SDK1: variants seen among roughly 807,000 people sequenced by gnomAD.
SDK1 encodes the protein sidekick cell adhesion molecule 1, also known as protein sidekick-1.
SDK1 carries 157 observed loss-of-function variants against 245.5 expected under a neutral mutation model. The observed-to-expected ratio is 0.64, with a 90% confidence interval of 0.56 to 0.73. SDK1 has a LOEUF of 0.73. Among genes scored for constraint, SDK1 ranks in the 30% least tolerant of loss-of-function variants. The probability of loss-of-function intolerance (pLI) is 0.00; values close to 1 mark genes in which losing one functional copy is unlikely to be tolerated. For missense variants in SDK1, 3,583 were observed against 3,002.3 expected (o/e 1.19, Z -4.52); for synonymous variants, 1,647 against 1,278.5 (o/e 1.29, Z -6.15).
At chr7:3,622,188 A>T (rs1188194201) in intron 2 of SDK1, among the ~76,000 whole-genome samples, 1 of 152,124 alleles carries the variant, frequency 6.6e-6, no homozygotes, top group African/African-American at 2.4e-5. Flanking sequence ...ATTTAAAACA[A>T]TTTTGTAGGC....
In SDK1 at chr7:4,066,444, A is replaced by G. The variant is rs1017672786; in HGVS notation, c.2912-1394A>G. ...CTCTCTTCCCCTCATCCTTCCCTCCATTTGCTCGTAAGACGCCAGCCTCCC... is the reference window on the plus strand; with the variant it reads ...CTCTCTTCCCCTCATCCTTCCCTCCGTTTGCTCGTAAGACGCCAGCCTCCC... On this transcript the variant is annotated intron_variant, in intron 19 of 44. Coordinates refer to ENST00000404826, the MANE Select transcript of SDK1 (RefSeq NM_152744.4). Among the ~76,000 whole-genome samples the G allele has an allele frequency of 2.0e-5, 3 of 152,092 alleles. No homozygotes were observed. In the East Asian group the frequency reaches 5.8e-4, roughly 29 times the overall value.
rs147298337 is a variant in SDK1 at position 4,259,829 on chromosome 7, G to A, written c.6382-5295G>A. Among the ~76,000 whole-genome samples the A allele has an allele frequency of 3.1e-3, 465 of 152,350 alleles. 4 individuals carry two copies. Among genetic ancestry groups the A allele is most frequent in the African/African-American group, 0.011 (445 of 41,584 alleles). On this transcript the variant is annotated intron_variant, in intron 44 of 44. Coordinates refer to ENST00000404826, the MANE Select transcript of SDK1 (RefSeq NM_152744.4). ...CCTAGAGAGAAGCCTGGAACTAGGA[G>A]GAAGTTACAGGATCTGCGGAGGTGG...
intron 1 of SDK1, among the ~76,000 whole-genome samples, chr7:3,334,557 G>T (rs1780150995): frequency 6.6e-6 from 1 of 152,132 alleles, no homozygotes; most frequent in South Asian, 2.1e-4. Flanking sequence ...AGAGGGCCAG[G>T]TGTGAGGACA....
chr7:3,787,433 G>T (rs142435375), intron 4 of SDK1, among the ~76,000 whole-genome samples: 160 of 152,168 alleles, frequency 1.1e-3, no homozygotes, highest in Non-Finnish European at 2.1e-3. Context: ...TTGTGCACAC[G>T]CTGTGTTCCT....
chr7:3,928,284 C>CTTTA (rs1260483437), intron 5 of SDK1, among the ~76,000 whole-genome samples: 8 of 152,154 alleles, frequency 5.3e-5, no homozygotes, highest in East Asian at 1.9e-4. Flanking sequence ...ATAGTTAAAC[C>CTTTA]TTTATTTATT....
chr7:3,990,819 C>G (rs942984766), intron 14 of SDK1, among the ~76,000 whole-genome samples: 1 of 152,232 alleles, frequency 6.6e-6, no homozygotes, highest in Non-Finnish European at 1.5e-5. Context: ...TCCCCCGTTT[C>G]CATGAAAGAA....
At position 3,411,823 on chromosome 7, in the gene SDK1, G is replaced by T. The variant is rs115407290; in HGVS notation, c.298+109939G>T. Among the ~76,000 whole-genome samples the T allele has an allele frequency of 2.4e-3, 366 of 152,226 alleles. 3 individuals carry two copies. Among genetic ancestry groups the T allele is most frequent in the African/African-American group, 8.4e-3 (350 of 41,530 alleles). On this transcript the variant is annotated intron_variant, in intron 1 of 44. Coordinates refer to ENST00000404826, the MANE Select transcript of SDK1 (RefSeq NM_152744.4). ...CTGGAGTTTAATTTGTTTAATGTCT[G>T]TGAGGGCTTGATGGGGTTGGGACTT...
chr7:3,601,810 A>C (rs1235023941), intron 1 of SDK1, among the ~76,000 whole-genome samples: 1 of 146,556 alleles, frequency 6.8e-6, no homozygotes. Context: ...TATATCTCCT[A>C]ATGCTATCCC....
chr7:3,504,118 C>T (rs965286295), intron 1 of SDK1, among the ~76,000 whole-genome samples: 1 of 151,258 alleles, frequency 6.6e-6, no homozygotes, highest in Non-Finnish European at 1.5e-5. Flanking sequence ...CCATTGCACT[C>T]CAGCCTGGGC....
At chr7:3,959,108 C>T (rs1017736105) in intron 8 of SDK1, 94 bp downstream of exon 8, 19 of 966,704 alleles carry the variant, frequency 2.0e-5, no homozygotes, top group African/African-American at 4.8e-5. Flanking sequence ...TCTAGGGAGA[C>T]ATTGAGTGTG....
Position 4,149,410 on chromosome 7 carries a change from GCAGA to G in SDK1, c.4574_4577del (p.Gln1525ProfsTer18). The G allele has an allele frequency of 6.3e-7, 1 of 1,578,090 alleles. No individual in the cohort carries two copies. The highest frequency in any genetic ancestry group is 8.6e-7 in the Non-Finnish European group (1 of 1,163,206). On this transcript the variant is annotated frameshift_variant, in exon 30 of 45. Transcript: ENST00000404826. LOFTEE classifies it high-confidence loss of function. Reference sequence around the variant, plus strand: ...TGCGAGAGCTGCCTCGGGGTGAGTGGCAGACCTACTCCTCGTCCATCAGCCATGA... The same window carrying G: ...TGCGAGAGCTGCCTCGGGGTGAGTGGCCTACTCCTCGTCCATCAGCCATGA...
chr7:4,028,101 G>C (rs776438981), intron 17 of SDK1, among the ~76,000 whole-genome samples: 1 of 152,126 alleles, frequency 6.6e-6, no homozygotes, highest in Non-Finnish European at 1.5e-5. Context: ...GAGATGGTCT[G>C]TGGACCCACA....
rs373210717 is a variant in SDK1 at position 4,192,417 on chromosome 7, A to T, written c.5099-13462A>T. Among the ~76,000 whole-genome samples the T allele has an allele frequency of 2.0e-5, 3 of 152,248 alleles. No homozygotes were observed. In the East Asian group the frequency reaches 5.8e-4, roughly 29 times the overall value. ...CAGCCTCCCAAGTAGCTGGGACTAC[A>T]GGTGCCCGCCACCACGCCCAGCTAA... On this transcript the variant is annotated intron_variant, in intron 35 of 44. Transcript: ENST00000404826.
intron 4 of SDK1, among the ~76,000 whole-genome samples, chr7:3,684,421 G>T (rs1221559102): frequency 6.6e-6 from 1 of 152,186 alleles, no homozygotes; most frequent in Non-Finnish European, 1.5e-5. Context: ...AGAGGAGTCA[G>T]TGCTTCCCTT....
intron 4 of SDK1, among the ~76,000 whole-genome samples, chr7:3,747,719 A>G (rs943538476): frequency 2.7e-5 from 4 of 149,292 alleles, no homozygotes; most frequent in Admixed American, 2.0e-4. Context: ...GTGTGTGTGT[A>G]TGGTGAGGGG....
intron 1 of SDK1, among the ~76,000 whole-genome samples, chr7:3,566,265 C>G (rs946076800): frequency 3.4e-5 from 5 of 147,066 alleles, no homozygotes; most frequent in African/African-American, 1.3e-4. Flanking sequence ...CGCTCTGTCG[C>G]CCAGGCTGGA....
intron 13 of SDK1, among the ~76,000 whole-genome samples, chr7:3,975,907 T>G (rs11975098): frequency 1.4e-5 from 2 of 138,560 alleles, no homozygotes; most frequent in African/African-American, 2.7e-5. Flanking sequence ...AGCTGCCACG[T>G]AGAGGGTCCT....
chr7:3,633,125 A>C (rs1002650081), intron 2 of SDK1, among the ~76,000 whole-genome samples: 4 of 152,274 alleles, frequency 2.6e-5, no homozygotes, highest in African/African-American at 9.6e-5. Context: ...AAGGTATGAA[A>C]GCTTATTATA....
At position 3,707,668 on chromosome 7, in the gene SDK1, C is replaced by G. The variant is rs77631644; in HGVS notation, c.713+65563C>G. 5.2e-3 allele frequency among the ~76,000 whole-genome samples: 786 copies of G among 152,192 alleles called. 7 individuals are homozygous for G. The highest frequency in any genetic ancestry group is 0.018 in the African/African-American group (756 of 41,538). On this transcript the variant is annotated intron_variant, in intron 4 of 44. Coordinates refer to ENST00000404826, the MANE Select transcript of SDK1 (RefSeq NM_152744.4). Reference sequence around the variant, plus strand: ...GGGAGCTGAAGGCCCCCCCTATTATCGTGTTTCTGTTTATCTCATCTCTTA... The same window carrying G: ...GGGAGCTGAAGGCCCCCCCTATTATGGTGTTTCTGTTTATCTCATCTCTTA...
Sources: allele counts gnomAD v4.1 joint callset (sites outside exome capture counted in the v4.1 genomes callset), GRCh38; gene constraint gnomAD v4.1.1; transcripts MANE v1.5; gene names NCBI Gene and HGNC (gene_info 2026-07-23, HGNC 2026-07-21).